TRAK2: variants seen among roughly 807,000 people sequenced by gnomAD.
TRAK2 encodes the protein trafficking kinesin protein 2.
Under a neutral mutation model 104.6 loss-of-function variants are expected in TRAK2, and 81 were observed. The ratio of observed to expected loss-of-function variants is 0.77; its 90% CI spans 0.65 to 0.93. The LOEUF (loss-of-function observed/expected upper bound fraction) is 0.93. TRAK2 is among the 40% of genes least tolerant of loss of function. The pLI is 0.00. For missense variants in TRAK2, 1,002 were observed against 1,089.0 expected (o/e 0.92, Z 1.12); for synonymous variants, 406 against 394.4 (o/e 1.03, Z -0.35).
chr2:201,434,922 T>C (rs1057360003), intron 1 of TRAK2, among the ~76,000 whole-genome samples: 4 of 152,244 alleles, frequency 2.6e-5, no homozygotes, highest in Non-Finnish European at 4.4e-5. Flanking sequence ...AAGCAAATTA[T>C]TATTTGCCAG....
intron 2 of TRAK2, chr2:201,412,313 T>G: frequency 7.8e-7 from 1 of 1,283,006 alleles, no homozygotes; most frequent in East Asian, 2.3e-5. Flanking sequence ...TATTGCAGTG[T>G]TACTGCACCA....
chr2:201,423,119 G>C (rs545681372), intron 1 of TRAK2, among the ~76,000 whole-genome samples: 4 of 145,674 alleles, frequency 2.7e-5, no homozygotes, highest in Non-Finnish European at 4.5e-5. Flanking sequence ...CTGTCACCCA[G>C]GCTGGTGTGC....
chr2:201,384,353 AT>A, intron 14 of TRAK2, 137 bp from the exon 15 acceptor site: 1 of 666,908 alleles, frequency 1.5e-6, no homozygotes, highest in Non-Finnish European at 2.6e-6. Context: ...TGGAAATGAA[AT>A]AAATATACAT....
chr2:201,437,221 T>C (rs2125661180), intron 1 of TRAK2, among the ~76,000 whole-genome samples: 1 of 152,316 alleles, frequency 6.6e-6, no homozygotes, highest in East Asian at 1.9e-4. Context: ...GATTCAGAGC[T>C]TGAAGGCTAT....
In TRAK2 at chr2:201,447,823, T is replaced by C. The variant is rs188286415; in HGVS notation, c.-200+3527A>G. On this transcript the variant is annotated intron_variant, in intron 1 of 15. Transcript: ENST00000332624. This position sits in a 1 kb window ranked among gnomAD's most constrained non-coding sequence, Gnocchi z 4.1. ...TTTTCTCTGCCCAGGCTAATTCCCA[T>C]TTGTTTTCCCAAGACTGGTCCAAGC... Among the ~76,000 whole-genome samples, 211 of 152,306 alleles carry C rather than the reference T, an allele frequency of 1.4e-3. 1 individual carries two copies. The highest frequency in any genetic ancestry group is 4.9e-3 in the African/African-American group (203 of 41,572).
intron 15 of TRAK2, among the ~76,000 whole-genome samples, chr2:201,383,620 TC>T (rs758321692): frequency 1.2e-4 from 18 of 152,342 alleles, no homozygotes; most frequent in Non-Finnish European, 2.1e-4. Flanking sequence ...ATGCCTTTCT[TC>T]CTTTGGATAA....
chr2:201,404,653 C>T lies in TRAK2; in HGVS notation c.286+2750G>A, dbSNP rs553963519. Among the ~76,000 whole-genome samples, 3 of 152,312 alleles carry T rather than the reference C, an allele frequency of 2.0e-5. No individual in the cohort carries two copies. In the South Asian group the frequency reaches 6.2e-4, roughly 32 times the overall value. ...TATCTGTCATTTACATGAGATGGTGCTTGATAGTTCTCTCATATGTCCCTT... is the reference window on the plus strand; with the variant it reads ...TATCTGTCATTTACATGAGATGGTGTTTGATAGTTCTCTCATATGTCCCTT... On this transcript the variant is annotated intron_variant, in intron 3 of 15. Coordinates refer to ENST00000332624, the MANE Select transcript of TRAK2 (RefSeq NM_015049.3).
intron 1 of TRAK2, among the ~76,000 whole-genome samples, chr2:201,429,265 C>T (rs1036869778): frequency 3.4e-4 from 52 of 152,140 alleles, no homozygotes; most frequent in African/African-American, 1.1e-3. Flanking sequence ...TTGTGGGTAA[C>T]GCAACCTTTC....
At chr2:201,422,523 A>C (rs1395483677) in intron 1 of TRAK2, among the ~76,000 whole-genome samples, 1 of 152,202 alleles carries the variant, frequency 6.6e-6, no homozygotes, top group Non-Finnish European at 1.5e-5. Flanking sequence ...AGTTACCCTC[A>C]AGAAGTAGAA....
chr2:201,385,729 G>A (rs1951382674), intron 14 of TRAK2, among the ~76,000 whole-genome samples: 1 of 152,146 alleles, frequency 6.6e-6, no homozygotes, highest in South Asian at 2.1e-4. Flanking sequence ...CTGATAATGA[G>A]AATAAAGCTA....
intron 1 of TRAK2, among the ~76,000 whole-genome samples, chr2:201,432,490 T>G (rs1321136503): frequency 6.6e-6 from 1 of 152,168 alleles, no homozygotes; most frequent in African/African-American, 2.4e-5. Context: ...TTGTAATCCA[T>G]GCACATTAAG....
chr2:201,398,907 A>C (rs1418813064), intron 5 of TRAK2, among the ~76,000 whole-genome samples: 1 of 152,178 alleles, frequency 6.6e-6, no homozygotes, highest in Non-Finnish European at 1.5e-5. Flanking sequence ...GTTACAGAAA[A>C]TTTGAAATGT....
At chr2:201,444,573 C>T (rs1470483878) in intron 1 of TRAK2, among the ~76,000 whole-genome samples, 2 of 151,784 alleles carry the variant, frequency 1.3e-5, no homozygotes, top group Non-Finnish European at 2.9e-5. Context: ...GCCTCCTCTG[C>T]CCACCTTTGT....
intron 9 of TRAK2, 52 bp from the exon 10 acceptor site, chr2:201,393,098 G>A (rs1391882075): frequency 2.0e-6 from 3 of 1,527,416 alleles, no homozygotes; most frequent in Non-Finnish European, 2.6e-6. Flanking sequence ...ACAACATTAG[G>A]GAAAAAAAAC....
intron 13 of TRAK2, 21 bp downstream of exon 13, chr2:201,387,682 G>A: frequency 6.4e-7 from 1 of 1,553,762 alleles, no homozygotes; most frequent in Non-Finnish European, 8.7e-7. Context: ...GGCTTAGTAA[G>A]GGCCCTTACT....
chr2:201,425,706 A>C (rs1468423454), intron 1 of TRAK2, among the ~76,000 whole-genome samples: 1 of 131,730 alleles, frequency 7.6e-6, no homozygotes, highest in East Asian at 2.1e-4. Flanking sequence ...CCACTCCAGA[A>C]AGCATTGCTT....
intron 2 of TRAK2, chr2:201,412,859 C>T: frequency 1.2e-6 from 1 of 816,152 alleles, no homozygotes; most frequent in South Asian, 1.4e-5. Flanking sequence ...TTGGTTTCTA[C>T]ATCATAAAGT....
intron 1 of TRAK2, among the ~76,000 whole-genome samples, chr2:201,431,943 C>T (rs1396606851): frequency 1.3e-5 from 2 of 152,152 alleles, no homozygotes; most frequent in African/African-American, 4.8e-5. Context: ...TAGCAGCTAC[C>T]TCAGAGGGTT....
At chr2:201,396,703 T>C (rs1446399411) in intron 7 of TRAK2, among the ~76,000 whole-genome samples, 2 of 152,152 alleles carry the variant, frequency 1.3e-5, no homozygotes, top group Admixed American at 6.5e-5. Flanking sequence ...ATAGTTGACC[T>C]GGTAACTGAC....
Sources: allele counts gnomAD v4.1 joint callset (sites outside exome capture counted in the v4.1 genomes callset), GRCh38; gene constraint gnomAD v4.1.1; non-coding constraint Gnocchi (gnomAD v3.1); transcripts MANE v1.5; gene names NCBI Gene and HGNC (gene_info 2026-07-23, HGNC 2026-07-21).